NCKAP5: variants seen among roughly 807,000 people sequenced by gnomAD.
NCKAP5 encodes the protein nck-associated protein 5.
In NCKAP5, 92 loss-of-function variants were observed where a neutral mutation model predicts 167.0. The ratio of observed to expected loss-of-function variants is 0.55; its 90% CI spans 0.47 to 0.66. The LOEUF (loss-of-function observed/expected upper bound fraction) is 0.66, where lower values mean the gene tolerates loss of function less well. NCKAP5 is among the 30% of genes least tolerant of loss of function. NCKAP5 has a pLI of 0.00. For missense variants in NCKAP5, 2,378 were observed against 2,315.0 expected (o/e 1.03, Z -0.56); for synonymous variants, 891 against 877.4 (o/e 1.02, Z -0.27).
intron 3 of NCKAP5, among the ~76,000 whole-genome samples, chr2:133,331,938 T>C (rs1682880904): frequency 6.6e-6 from 1 of 151,902 alleles, no homozygotes; most frequent in Non-Finnish European, 1.5e-5. Context: ...CTGGTGGGAG[T>C]AGATGCTATT....
At chr2:133,298,960 C>T (rs1362180563) in intron 4 of NCKAP5, among the ~76,000 whole-genome samples, 5 of 151,734 alleles carry the variant, frequency 3.3e-5, no homozygotes, top group Admixed American at 6.6e-5. Context: ...TGCAACATGA[C>T]GCATGTATAC....
chr2:132,860,680 T>C (rs1436550429), intron 10 of NCKAP5, 69 bp from the exon 11 acceptor site: 6 of 1,494,200 alleles, frequency 4.0e-6, no homozygotes, highest in Admixed American at 2.2e-5. Flanking sequence ...TATAACCATA[T>C]TTTATATATC....
chr2:133,408,886 C>T (rs1352933744), intron 3 of NCKAP5, among the ~76,000 whole-genome samples: 1 of 152,168 alleles, frequency 6.6e-6, no homozygotes, highest in African/African-American at 2.4e-5. Context: ...GAGAAGCAGA[C>T]CCCAGCCCAT....
chr2:133,441,270 T>G (rs1048111270), intron 3 of NCKAP5, among the ~76,000 whole-genome samples: 1 of 152,236 alleles, frequency 6.6e-6, no homozygotes, highest in Non-Finnish European at 1.5e-5. Flanking sequence ...GTTGACGCTA[T>G]ACCTGACATT....
chr2:133,585,579 A>G, the NCKAP5 span, among the ~76,000 whole-genome samples: 2 of 152,218 alleles, frequency 1.3e-5, no homozygotes, highest in African/African-American at 4.8e-5. Flanking sequence ...TGGATTATAC[A>G]CCACTTCCAT....
the NCKAP5 span, among the ~76,000 whole-genome samples, chr2:133,613,278 T>C: frequency 2.6e-5 from 4 of 152,180 alleles, no homozygotes; most frequent in African/African-American, 9.6e-5. Context: ...ACTCCTCTAA[T>C]GTTCAATGGA....
chr2:132,965,037 T>C (rs1573572140), intron 7 of NCKAP5, among the ~76,000 whole-genome samples: 1 of 152,348 alleles, frequency 6.6e-6, no homozygotes, highest in Non-Finnish European at 1.5e-5. Flanking sequence ...TATATATGTA[T>C]CAGTGTATAC....
At chr2:132,774,351 G>A (rs1190438715) in intron 15 of NCKAP5, among the ~76,000 whole-genome samples, 3 of 152,094 alleles carry the variant, frequency 2.0e-5, no homozygotes, top group African/African-American at 7.2e-5. Context: ...AATATACTTA[G>A]GTCTGCTGGC....
chr2:133,373,664 A>C (rs1016869154), intron 3 of NCKAP5, among the ~76,000 whole-genome samples: 3 of 152,242 alleles, frequency 2.0e-5, no homozygotes, highest in Admixed American at 6.5e-5. Flanking sequence ...TTCAAAATGC[A>C]CTACATGGAG....
intron 6 of NCKAP5, among the ~76,000 whole-genome samples, chr2:133,056,787 T>C (rs1358168297): frequency 1.3e-5 from 2 of 152,202 alleles, no homozygotes; most frequent in African/African-American, 4.8e-5. Flanking sequence ...TTCAGGCAAT[T>C]TTGTTTGAAA....
In NCKAP5 at chr2:132,864,537, T is replaced by C. The variant is rs146146768; in HGVS notation, c.688-3926A>G. On this transcript the variant is annotated intron_variant, in intron 10 of 19. Coordinates refer to ENST00000409261, the MANE Select transcript of NCKAP5 (RefSeq NM_207363.3). Reference sequence around the variant, plus strand: ...CCCAAACCATAATTTCTCTGGAGGATCCACACACTGTAATCCTGATAAATT... The same window carrying C: ...CCCAAACCATAATTTCTCTGGAGGACCCACACACTGTAATCCTGATAAATT... 6.0e-4 allele frequency among the ~76,000 whole-genome samples: 92 copies of C among 152,284 alleles called. 1 individual carries two copies. The highest frequency in any genetic ancestry group is 2.1e-3 in the African/African-American group (89 of 41,572).
intron 6 of NCKAP5, among the ~76,000 whole-genome samples, chr2:133,079,870 T>C (rs1462435307): frequency 6.6e-6 from 1 of 152,188 alleles, no homozygotes; most frequent in Non-Finnish European, 1.5e-5. Flanking sequence ...TTGTAGAATA[T>C]TCTGTCATAC....
chr2:133,177,183 T>TATATATATATATAC (rs3051216), intron 5 of NCKAP5, among the ~76,000 whole-genome samples: 2,085 of 142,546 alleles, frequency 0.015, 108 homozygotes, highest in East Asian at 0.12. Context: ...TATATATATA[T>TATATATATATATAC]ATATACTCAA....
chr2:132,925,466 G>A (rs1695793695), intron 8 of NCKAP5, among the ~76,000 whole-genome samples: 1 of 151,366 alleles, frequency 6.6e-6, no homozygotes, highest in Non-Finnish European at 1.5e-5. Flanking sequence ...GGAGGCTGAG[G>A]CAGGAGAATG....
At chr2:133,471,654 T>C (rs567237572) in intron 3 of NCKAP5, among the ~76,000 whole-genome samples, 1 of 152,308 alleles carries the variant, frequency 6.6e-6, no homozygotes, top group South Asian at 2.1e-4. Context: ...ACTGATGCTT[T>C]GGATACACAG....
intron 13 of NCKAP5, among the ~76,000 whole-genome samples, chr2:132,787,531 C>T (rs1683688315): frequency 6.6e-6 from 1 of 152,116 alleles, no homozygotes; most frequent in African/African-American, 2.4e-5. Context: ...CTTCTTAGTA[C>T]ACTGTAAACA....
At chr2:133,652,697 G>A in the NCKAP5 span, among the ~76,000 whole-genome samples, 4 of 152,200 alleles carry the variant, frequency 2.6e-5, no homozygotes, top group African/African-American at 4.8e-5. Flanking sequence ...GCACAGACAG[G>A]TCGTCTCTCA....
At chr2:133,109,793 T>C (rs1225998208) in intron 6 of NCKAP5, among the ~76,000 whole-genome samples, 1 of 151,042 alleles carries the variant, frequency 6.6e-6, no homozygotes, top group Non-Finnish European at 1.5e-5. Context: ...AAACCAAGTA[T>C]TAAAACATTT....
At chr2:133,187,183 T>C (rs1353611030) in intron 5 of NCKAP5, among the ~76,000 whole-genome samples, 1 of 152,060 alleles carries the variant, frequency 6.6e-6, no homozygotes, top group African/African-American at 2.4e-5. Context: ...AATAAAGTTT[T>C]TTGTTTCTGC....
Sources: allele counts gnomAD v4.1 joint callset (sites outside exome capture counted in the v4.1 genomes callset), GRCh38; gene constraint gnomAD v4.1.1; transcripts MANE v1.5; gene names NCBI Gene and HGNC (gene_info 2026-07-23, HGNC 2026-07-21).